EXOC6B: variants seen among roughly 807,000 people sequenced by gnomAD.
EXOC6B encodes the protein SEC15 homolog B.
EXOC6B carries 54 observed loss-of-function variants against 113.5 expected under a neutral mutation model. The observed-to-expected ratio is 0.48, with a 90% confidence interval of 0.38 to 0.60. The LOEUF (loss-of-function observed/expected upper bound fraction) is 0.60. EXOC6B is among the 20% of genes least tolerant of loss of function. EXOC6B has a pLI of 0.00. For synonymous variants in EXOC6B, 357 were observed against 339.0 expected (o/e 1.05, Z -0.58); for missense variants, 797 against 977.5 (o/e 0.82, Z 2.46).
At chr2:72,369,370 A>G (rs1311363693) in intron 19 of EXOC6B, among the ~76,000 whole-genome samples, 2 of 152,248 alleles carry the variant, frequency 1.3e-5, no homozygotes, top group Non-Finnish European at 2.9e-5. Flanking sequence ...GAGGATACAA[A>G]GAAATGGAAG....
At chr2:72,723,995 G>A (rs1182155472) in intron 5 of EXOC6B, among the ~76,000 whole-genome samples, 1 of 152,118 alleles carries the variant, frequency 6.6e-6, no homozygotes, top group African/African-American at 2.4e-5. Context: ...TCAAAACAGA[G>A]CTCAGCAGCC....
At chr2:72,629,794 G>T (rs542326213) in intron 6 of EXOC6B, among the ~76,000 whole-genome samples, 1 of 152,214 alleles carries the variant, frequency 6.6e-6, no homozygotes, top group Admixed American at 6.5e-5. Flanking sequence ...CTTCCAATTT[G>T]TAAATGCACC....
At chr2:72,788,022 G>C (rs1475374229) in intron 1 of EXOC6B, among the ~76,000 whole-genome samples, 5 of 152,136 alleles carry the variant, frequency 3.3e-5, no homozygotes, top group Non-Finnish European at 7.4e-5. Flanking sequence ...ATTTATAAAA[G>C]GGATGAGATA....
At chr2:72,786,537 T>G (rs1684386666) in intron 1 of EXOC6B, among the ~76,000 whole-genome samples, 1 of 152,238 alleles carries the variant, frequency 6.6e-6, no homozygotes, top group African/African-American at 2.4e-5. Flanking sequence ...AAGAAAATAA[T>G]TGTTTCTGCT....
chr2:72,342,043 A>G (rs916657099), intron 19 of EXOC6B, among the ~76,000 whole-genome samples: 1 of 152,170 alleles, frequency 6.6e-6, no homozygotes, highest in African/African-American at 2.4e-5. Flanking sequence ...AAGACAAATA[A>G]AAACAAACAC....
At chr2:72,631,461 T>TAGAGAG (rs372313608) in intron 6 of EXOC6B, among the ~76,000 whole-genome samples, 1 of 9,746 alleles carries the variant, frequency 1.0e-4, no homozygotes. Context: ...TATATATATA[T>TAGAGAG]AGAGAGAGAG....
intron 6 of EXOC6B, among the ~76,000 whole-genome samples, chr2:72,679,913 C>T (rs1676574009): frequency 1.3e-5 from 2 of 152,084 alleles, no homozygotes; most frequent in South Asian, 4.2e-4. Flanking sequence ...ACTCCTAGAC[C>T]TAAGCAAATT....
At chr2:72,314,781 AG>A (rs1424536284) in intron 20 of EXOC6B, among the ~76,000 whole-genome samples, 1 of 152,194 alleles carries the variant, frequency 6.6e-6, no homozygotes, top group Non-Finnish European at 1.5e-5. Context: ...TCATGCCTAA[AG>A]TTTATTAACC....
chr2:72,545,719 T>G (rs1702860724), intron 8 of EXOC6B, among the ~76,000 whole-genome samples: 1 of 152,218 alleles, frequency 6.6e-6, no homozygotes, highest in African/African-American at 2.4e-5. Flanking sequence ...TTAATATATA[T>G]AAACAACAAC....
chr2:72,597,543 TATA>T (rs1262997012), intron 6 of EXOC6B, among the ~76,000 whole-genome samples: 1 of 151,788 alleles, frequency 6.6e-6, no homozygotes, highest in Non-Finnish European at 1.5e-5. Flanking sequence ...AAAGGACAAG[TATA>T]ATAAGAATAT....
intron 6 of EXOC6B, among the ~76,000 whole-genome samples, chr2:72,608,849 A>G (rs115225720): frequency 0.015 from 2,342 of 152,242 alleles, 78 homozygotes; most frequent in African/African-American, 0.054. Context: ...ATGTTAGCAG[A>G]GACTGGCAAC....
chr2:72,720,499 A>G (rs933635478), intron 5 of EXOC6B, among the ~76,000 whole-genome samples: 12 of 152,166 alleles, frequency 7.9e-5, no homozygotes, highest in African/African-American at 2.9e-4. Context: ...TATAATGCCA[A>G]CACTTTGGGA....
intron 20 of EXOC6B, among the ~76,000 whole-genome samples, chr2:72,228,480 A>C (rs1681393514): frequency 7.4e-6 from 1 of 135,096 alleles, no homozygotes; most frequent in African/African-American, 2.8e-5. Context: ...ACGTGTTCTC[A>C]TTGTTCAATT....
At chr2:72,629,238 C>T (rs983284252) in intron 6 of EXOC6B, among the ~76,000 whole-genome samples, 1 of 152,130 alleles carries the variant, frequency 6.6e-6, no homozygotes, top group Non-Finnish European at 1.5e-5. Flanking sequence ...CAGAACAGAA[C>T]AGGCCTATCA....
chr2:72,597,286 T>C (rs1316433044), intron 6 of EXOC6B, among the ~76,000 whole-genome samples: 1 of 151,688 alleles, frequency 6.6e-6, no homozygotes, highest in Non-Finnish European at 1.5e-5. Context: ...ATGACAGCAA[T>C]GTTATAAGGA....
At chr2:72,428,787 A>C (rs187152856) in intron 18 of EXOC6B, among the ~76,000 whole-genome samples, 25 of 152,330 alleles carry the variant, frequency 1.6e-4, no homozygotes, top group Admixed American at 7.8e-4. Context: ...AATGGAGCCA[A>C]GGTCACTGCT....
intron 8 of EXOC6B, among the ~76,000 whole-genome samples, chr2:72,555,599 G>A (rs181157630): frequency 2.1e-3 from 327 of 152,190 alleles, no homozygotes; most frequent in Non-Finnish European, 3.3e-3. Flanking sequence ...TTTTTATGGG[G>A]TTGTCTGTTT....
chr2:72,353,904 G>A (rs1462910436), intron 19 of EXOC6B, among the ~76,000 whole-genome samples: 3 of 152,102 alleles, frequency 2.0e-5, no homozygotes, highest in Admixed American at 1.3e-4. Flanking sequence ...GAAACTTAAG[G>A]TGTAGCTCTC....
chr2:72,399,915 A>G (rs1023300866), intron 18 of EXOC6B, among the ~76,000 whole-genome samples: 2 of 152,216 alleles, frequency 1.3e-5, no homozygotes, highest in African/African-American at 4.8e-5. Flanking sequence ...GATTTTTCAC[A>G]GTAATAGAAA....
Sources: allele counts gnomAD v4.1 joint callset (sites outside exome capture counted in the v4.1 genomes callset), GRCh38; gene constraint gnomAD v4.1.1; transcripts MANE v1.5; gene names NCBI Gene and HGNC (gene_info 2026-07-23, HGNC 2026-07-21).